The following AKAP9 variants were observed in gnomAD, a reference collection of about 807,000 sequenced individuals.
The protein encoded by AKAP9 is A-kinase anchor protein 9.
A neutral mutation model predicts 488.5 loss-of-function variants in AKAP9; 311 were observed. The ratio of observed to expected loss-of-function variants is 0.64; its 90% CI spans 0.58 to 0.70. The LOEUF is 0.70. Among genes scored for constraint, AKAP9 ranks in the 30% least tolerant of loss-of-function variants. The pLI is 0.00. For missense variants in AKAP9, 4,215 were observed against 4,374.5 expected (o/e 0.96, Z 1.03); for synonymous variants, 1,462 against 1,483.5 (o/e 0.99, Z 0.33).
At position 92,097,355 on chromosome 7, in the gene AKAP9, G is replaced by A. The variant is rs762985431; in HGVS notation, c.10396G>A (p.Glu3466Lys). ...SRRILYQNLN[E>K]PTTWSLTSDR... Reference sequence around the variant, plus strand: ...AAGAATTCTGTATCAGAACCTTAATGAGGTAAACTGACAGTTTCTTTTTAG... The same window carrying A: ...AAGAATTCTGTATCAGAACCTTAATAAGGTAAACTGACAGTTTCTTTTTAG... The change falls in exon 41 of 50, where the codon GAG becomes AAG. Residue 3466 changes from glutamate to lysine, a missense_variant and splice_region_variant. By Grantham distance (56) the Glu-to-Lys change is moderately conservative. Transcript: ENST00000356239. 6 of 1,612,848 alleles carry A rather than the reference G, an allele frequency of 3.7e-6. No homozygotes were observed. The highest frequency in any genetic ancestry group is 1.3e-5 in the African/African-American group (1 of 75,020).
In AKAP9 at chr7:92,086,245, A is replaced by G. The variant is rs1814539073; in HGVS notation, c.9042A>G (p.Gln3014=). ...QREAEVYDSS[Q]SHESFSDWRG... The stretch of plus-strand genomic sequence containing the variant: ...TTTGCTAGGTTTATGATAGTTCTCA[A>G]TCTCATGAGAGCTTCTCAGACTGGC... The change falls in exon 37 of 50, where the codon CAA becomes CAG. Residue 3014 remains glutamine (Q), a synonymous_variant. Transcript: ENST00000356239. 1 of 1,614,066 alleles carries G rather than the reference A, an allele frequency of 6.2e-7. No homozygotes were observed. Among genetic ancestry groups the G allele is most frequent in the South Asian group, 1.1e-5 (1 of 91,062 alleles).
At chr7:92,013,453 G>A (rs1031658505) in intron 9 of AKAP9, among the ~76,000 whole-genome samples, 1 of 152,144 alleles carries the variant, frequency 6.6e-6, no homozygotes, top group African/African-American at 2.4e-5. Context: ...TCTGAAAGAA[G>A]CATATATAAG....
Position 92,097,081 on chromosome 7 carries a change from G to A in AKAP9, c.10122G>A (p.Leu3374=), listed in dbSNP as rs369214886. The stretch of plus-strand genomic sequence containing the variant: ...CTGAAAAATATAAACTGGATTCTTT[G>A]CAAACACGACAGCAAATGGAAAAAG... ...NETEKYKLDS[L]QTRQQMEKDR... is the part of the protein sequence containing the mutation. The change falls in exon 41 of 50, where the codon TTG becomes TTA. Residue 3374 remains leucine (L), a synonymous_variant. Coordinates refer to ENST00000356239, the MANE Select transcript of AKAP9 (RefSeq NM_005751.5). 1 of 1,614,064 alleles carries A rather than the reference G, an allele frequency of 6.2e-7. No individual in the cohort carries two copies.
chr7:92,099,986 A>T (rs1817251823), intron 44 of AKAP9, 117 bp downstream of exon 44: 2 of 947,730 alleles, frequency 2.1e-6, no homozygotes, highest in Admixed American at 3.9e-5. Flanking sequence ...GATTCTTAGG[A>T]TCTGTAGAAA....
chr7:92,005,832 G>T (rs193002418), intron 8 of AKAP9, among the ~76,000 whole-genome samples: 2 of 151,422 alleles, frequency 1.3e-5, no homozygotes, highest in African/African-American at 4.9e-5. Context: ...CCACGCCTGG[G>T]TAATTTTTGT....
At chr7:91,986,756 A>G (rs772213896) in intron 3 of AKAP9, among the ~76,000 whole-genome samples, 1 of 152,138 alleles carries the variant, frequency 6.6e-6, no homozygotes, top group Non-Finnish European at 1.5e-5. Context: ...TAGTAAATAT[A>G]TGTTTTAAGG....
intron 14 of AKAP9, among the ~76,000 whole-genome samples, chr7:92,024,454 T>A (rs1802796415): frequency 6.7e-6 from 1 of 148,270 alleles, no homozygotes; most frequent in Non-Finnish European, 1.5e-5. Flanking sequence ...TATATATATA[T>A]TATATATATA....
rs1235136000 is a variant in AKAP9, at chr7:92,031,512, T to G, written c.4246T>G (p.Phe1416Val). 1 of 1,607,414 alleles carries G rather than the reference T, an allele frequency of 6.2e-7. No individual in the cohort carries two copies. The highest frequency in any genetic ancestry group is 1.1e-5 in the South Asian group (1 of 90,904). The change falls in exon 16 of 50, where the codon TTT becomes GTT. Residue 1416 changes from phenylalanine (F) to valine (V), a missense_variant and splice_region_variant. Around this residue, in one of 5 missense-constraint regions of AKAP9, gnomAD observed 2,361 missense variants for 2,430.0 expected, o/e 0.97. Coordinates refer to ENST00000356239, the MANE Select transcript of AKAP9 (RefSeq NM_005751.5). ...TGTCATATTTTGCTTTTAAATGTAG[T>G]TTTCTGGTGAATTTGGAGTGAAAGA... ...VKKNIDGTIE[F>V]SGEFGVKEET...
At chr7:92,028,612 C>T (rs953959585) in intron 14 of AKAP9, among the ~76,000 whole-genome samples, 1 of 152,154 alleles carries the variant, frequency 6.6e-6, no homozygotes, top group African/African-American at 2.4e-5. Flanking sequence ...CGGCCAATAA[C>T]ATTTGAAAGA....
chr7:92,094,220 T>A (rs991697316), intron 39 of AKAP9, among the ~76,000 whole-genome samples: 5 of 152,186 alleles, frequency 3.3e-5, no homozygotes. Context: ...TAATAACTAG[T>A]AATTGTACTA....
At chr7:91,996,946 A>C (rs987253409) in intron 7 of AKAP9, among the ~76,000 whole-genome samples, 4 of 152,084 alleles carry the variant, frequency 2.6e-5, no homozygotes, top group African/African-American at 9.7e-5. Context: ...TACAATTATC[A>C]CTCCTATTTT....
intron 28 of AKAP9, among the ~76,000 whole-genome samples, chr7:92,073,566 ATAAAT>A (rs1356230159): frequency 6.6e-6 from 1 of 152,198 alleles, no homozygotes; most frequent in Non-Finnish European, 1.5e-5. Flanking sequence ...CAATTATTAG[ATAAAT>A]TAAACAAGAT....
chr7:91,971,982 C>CTTTTTTTTTTTTTTTTTTT, intron 1 of AKAP9, among the ~76,000 whole-genome samples: 1 of 91,890 alleles, frequency 1.1e-5, no homozygotes, highest in Non-Finnish European at 2.0e-5. Context: ...TTTTGCCTCT[C>CTTTTTTTTTTTTTTTTTTT]TTTTTTTTTT....
At chr7:92,043,380 A>G (rs1357104684) in intron 20 of AKAP9, 2 of 960,956 alleles carry the variant, frequency 2.1e-6, no homozygotes, top group Non-Finnish European at 2.5e-6. Context: ...AAGACAGTGT[A>G]TGAAAATTAG....
chr7:92,076,839 A>T lies in AKAP9; in HGVS notation c.6613-16A>T, dbSNP rs1444081231. Reference sequence around the variant, plus strand: ...GTATAAACATTTTTTCTCTTTTGATAATTTTGTTATTAAAGATTACAAACT... The same window carrying T: ...GTATAAACATTTTTTCTCTTTTGATTATTTTGTTATTAAAGATTACAAACT... On this transcript the variant is annotated splice_polypyrimidine_tract_variant and intron_variant, in intron 28 of 49. Transcript: ENST00000356239. 2 of 1,373,740 alleles carry T rather than the reference A, an allele frequency of 1.5e-6. No homozygotes were observed. The highest frequency in any genetic ancestry group is 2.0e-6 in the Non-Finnish European group (2 of 990,078). 85.1% of individuals were successfully genotyped at this position (1,373,740 alleles called of 1,614,324 possible). A position where few individuals can be genotyped will look rare whatever the true frequency, so the allele number is the denominator to read the frequency against.
At chr7:92,105,249 T>C (rs1028395357) in intron 46 of AKAP9, among the ~76,000 whole-genome samples, 1 of 152,218 alleles carries the variant, frequency 6.6e-6, no homozygotes, top group African/African-American at 2.4e-5. Flanking sequence ...TCACCCACCT[T>C]GCAGCATTCC....
chr7:92,044,456 A>G (rs1285817301), intron 20 of AKAP9, among the ~76,000 whole-genome samples: 3 of 152,220 alleles, frequency 2.0e-5, no homozygotes, highest in Non-Finnish European at 4.4e-5. Flanking sequence ...CTGCCTAACT[A>G]TTACTTTTTG....
chr7:91,982,561 T>C (rs961515829), intron 3 of AKAP9, among the ~76,000 whole-genome samples: 2 of 152,228 alleles, frequency 1.3e-5, no homozygotes, highest in African/African-American at 4.8e-5. Flanking sequence ...ATGATATGTA[T>C]GTGCCACATT....
Position 92,001,195 on chromosome 7 carries a change from A to G in AKAP9, c.1278A>G (p.Thr426=). Residue 426 remains threonine, a synonymous_variant, in exon 8 of 50, where the codon ACA becomes ACG. Coordinates refer to ENST00000356239, the MANE Select transcript of AKAP9 (RefSeq NM_005751.5). The part of the protein sequence containing the change: ...TDIVQRMEQE[T]QRKLEQLRAE... ...TAGTACAACGAATGGAACAAGAAAC[A>G]CAAAGAAAGTTAGAACAACTCCGGG... 1.2e-6 allele frequency: 2 copies of G among 1,614,108 alleles called. No individual in the cohort carries two copies. The highest frequency in any genetic ancestry group is 3.3e-5 in the Admixed American group (2 of 60,024).
Sources: gnomAD v4.1 joint callset for allele counts (sites outside exome capture counted in the v4.1 genomes callset) on GRCh38, gnomAD v4.1.1 for gene constraint, gnomAD v4.1.1 regional missense constraint, MANE v1.5 for transcripts, NCBI Gene and HGNC (gene_info 2026-07-23, HGNC 2026-07-21) for gene names.